NOX4: variants seen among roughly 807,000 people sequenced by gnomAD.
NOX4 encodes the protein kidney oxidase-1.
Under a neutral mutation model 87.6 loss-of-function variants are expected in NOX4, and 69 were observed. That is an observed-to-expected ratio of 0.79 (90% CI 0.65 to 0.96). The LOEUF (loss-of-function observed/expected upper bound fraction) is 0.96, where lower values mean the gene tolerates loss of function less well. Ranked by LOEUF, NOX4 falls within the 40% of genes least tolerant of loss-of-function variation. The probability of loss-of-function intolerance (pLI) is 0.00; values close to 1 mark genes in which losing one functional copy is unlikely to be tolerated. For synonymous variants in NOX4, 275 were observed against 238.2 expected, an observed-to-expected ratio of 1.15 and a Z score of -1.42; for missense variants, 680 against 681.5, an observed-to-expected ratio of 1.00 and a Z score of 0.02.
At chr11:89,440,392 T>A (rs1591261064) in intron 6 of NOX4, among the ~76,000 whole-genome samples, 3 of 152,182 alleles carry the variant, frequency 2.0e-5, no homozygotes, top group African/African-American at 7.2e-5. Flanking sequence ...CGATCTCAGC[T>A]CAGTGCAATT....
At chr11:89,559,896 C>A in the NOX4 span, among the ~76,000 whole-genome samples, 13 of 152,060 alleles carry the variant, frequency 8.5e-5, no homozygotes, top group African/African-American at 2.9e-4. Flanking sequence ...ATACGTTAAA[C>A]CCATTATTAG....
At chr11:89,438,615 A>T (rs1944232000) in intron 6 of NOX4, among the ~76,000 whole-genome samples, 1 of 86,092 alleles carries the variant, frequency 1.2e-5, no homozygotes, top group Non-Finnish European at 2.0e-5. Context: ...TATATAATAT[A>T]TAGTATATAT....
the NOX4 span, among the ~76,000 whole-genome samples, chr11:89,504,203 A>C: frequency 3.3e-5 from 5 of 151,728 alleles, no homozygotes; most frequent in African/African-American, 1.2e-4. Context: ...GTGGAAGAGA[A>C]CTCTTGGCCC....
intron 13 of NOX4, among the ~76,000 whole-genome samples, chr11:89,345,444 AC>A (rs1375201693): frequency 1.3e-5 from 2 of 152,204 alleles, no homozygotes. Context: ...AGTATTTGGT[AC>A]AATATTCTCT....
intron 11 of NOX4, among the ~76,000 whole-genome samples, chr11:89,388,990 G>C (rs1282179991): frequency 1.3e-5 from 2 of 152,136 alleles, no homozygotes; most frequent in Admixed American, 1.3e-4. Flanking sequence ...AAAAGATTAT[G>C]TTAATTTTCA....
At chr11:89,520,044 T>C in the NOX4 span, among the ~76,000 whole-genome samples, 1 of 152,046 alleles carries the variant, frequency 6.6e-6, no homozygotes, top group Non-Finnish European at 1.5e-5. Flanking sequence ...TGAGGTAGGC[T>C]GCTTGACTAG....
At chr11:89,485,285 A>G (rs1162585562) in intron 2 of NOX4, among the ~76,000 whole-genome samples, 2 of 152,174 alleles carry the variant, frequency 1.3e-5, no homozygotes, top group Admixed American at 6.6e-5. Context: ...ATCTAAAACA[A>G]TATTTGTGAA....
chr11:89,452,615 T>C (rs1416324214), intron 2 of NOX4, among the ~76,000 whole-genome samples: 2 of 152,168 alleles, frequency 1.3e-5, no homozygotes, highest in Non-Finnish European at 2.9e-5. Context: ...TATGATGTTT[T>C]AATACATGTA....
chr11:89,555,803 T>C, the NOX4 span, among the ~76,000 whole-genome samples: 2 of 152,188 alleles, frequency 1.3e-5, no homozygotes, highest in East Asian at 3.9e-4. Context: ...AGAGCCGATA[T>C]GTATTATATG....
chr11:89,451,945 C>T (rs767451362), intron 2 of NOX4, 50 bp from the exon 3 acceptor site: 7 of 1,230,686 alleles, frequency 5.7e-6, no homozygotes, highest in Non-Finnish European at 8.4e-6. Flanking sequence ...GTAGTAAAGC[C>T]CTGTCCTGGC....
the NOX4 span, among the ~76,000 whole-genome samples, chr11:89,527,005 G>A: frequency 1.3e-5 from 2 of 152,152 alleles, no homozygotes; most frequent in African/African-American, 4.8e-5. Flanking sequence ...ATAGTAATAT[G>A]ACAATGATGT....
chr11:89,458,911 A>C (rs10830273), intron 2 of NOX4, among the ~76,000 whole-genome samples: 26,131 of 152,054 alleles, frequency 0.17, 3,124 homozygotes, highest in African/African-American at 0.33. Flanking sequence ...TCTCAACGAA[A>C]TTAAAACCAA....
chr11:89,413,663 C>T (rs1482376716), intron 8 of NOX4, among the ~76,000 whole-genome samples: 1 of 151,896 alleles, frequency 6.6e-6, no homozygotes, highest in Non-Finnish European at 1.5e-5. Context: ...ATGACGATTA[C>T]CAGAGGCTGC....
chr11:89,533,250 T>A, the NOX4 span, among the ~76,000 whole-genome samples: 1 of 152,206 alleles, frequency 6.6e-6, no homozygotes, highest in Non-Finnish European at 1.5e-5. Context: ...GACATGCTCA[T>A]GCACTTGAAT....
chr11:89,511,990 T>A, the NOX4 span, among the ~76,000 whole-genome samples: 1 of 152,080 alleles, frequency 6.6e-6, no homozygotes, highest in Non-Finnish European at 1.5e-5. Flanking sequence ...TAGTAGGTGT[T>A]TATATTGCTG....
chr11:89,462,139 A>G (rs1030274544), intron 2 of NOX4, among the ~76,000 whole-genome samples: 4 of 152,168 alleles, frequency 2.6e-5, no homozygotes, highest in African/African-American at 9.6e-5. Flanking sequence ...AGTAATAAAA[A>G]ATGTAAATTG....
At chr11:89,496,462 A>C (rs1946951900), upstream of NOX4, among the ~76,000 whole-genome samples, 1 of 152,154 alleles carries the variant, frequency 6.6e-6, no homozygotes. Context: ...TAGACCAATA[A>C]AATTTCAAGA....
the NOX4 span, among the ~76,000 whole-genome samples, chr11:89,561,359 A>C: frequency 6.6e-6 from 1 of 151,890 alleles, no homozygotes; most frequent in South Asian, 2.1e-4. Context: ...ATTCCATCCA[A>C]ATATAACAAA....
At chr11:89,387,723 G>GC (rs545353283) in intron 11 of NOX4, among the ~76,000 whole-genome samples, 241 of 152,266 alleles carry the variant, frequency 1.6e-3, no homozygotes, top group African/African-American at 5.6e-3. Context: ...ATGAAAAGAT[G>GC]CTACATTTTG....
Sources: gnomAD v4.1 joint callset for allele counts (sites outside exome capture counted in the v4.1 genomes callset) on GRCh38, gnomAD v4.1.1 for gene constraint, MANE v1.5 for transcripts, NCBI Gene and HGNC (gene_info 2026-07-23, HGNC 2026-07-21) for gene names.